DYNC1I2: variants seen among roughly 807,000 people sequenced by gnomAD.
DYNC1I2 encodes the protein cytoplasmic dynein 1 intermediate chain 2.
In DYNC1I2, 53 loss-of-function variants were observed where a neutral mutation model predicts 88.6. That is an observed-to-expected ratio of 0.60 (90% confidence interval 0.48 to 0.75). The LOEUF is 0.75. Ranked by LOEUF, DYNC1I2 falls within the 30% of genes least tolerant of loss-of-function variation. The probability of loss-of-function intolerance (pLI) is 0.00; values close to 1 mark genes in which losing one functional copy is unlikely to be tolerated. For synonymous variants in DYNC1I2, 198 were observed against 254.6 expected (o/e 0.78, Z 2.12); for missense variants, 458 against 766.6 (o/e 0.60, Z 4.75).
intron 6 of DYNC1I2, among the ~76,000 whole-genome samples, chr2:171,714,648 C>T (rs312917): frequency 0.81 from 123,637 of 152,110 alleles, 51,452 homozygotes; most frequent in Non-Finnish European, 0.91. Flanking sequence ...CCCTGTATTT[C>T]TAAACAGAAG....
intron 13 of DYNC1I2, 41 bp from the exon 14 acceptor site, chr2:171,728,676 T>C: frequency 6.8e-7 from 1 of 1,477,942 alleles, no homozygotes; most frequent in Non-Finnish European, 9.0e-7. Flanking sequence ...AATTTAAAAT[T>C]GCAAGTTTAC....
At position 171,727,293 on chromosome 2, in the gene DYNC1I2, T is replaced by A. The variant is rs925652947; in HGVS notation, c.996+377T>A. Among the ~76,000 whole-genome samples the A allele has an allele frequency of 5.3e-5, 8 of 152,248 alleles. No individual in the cohort carries two copies. In the East Asian group the frequency reaches 1.5e-3, roughly 29 times the overall value. On this transcript the variant is annotated intron_variant, in intron 11 of 17. Coordinates refer to ENST00000397119, the MANE Select transcript of DYNC1I2 (RefSeq NM_001378.3). ...GTTGGCCCACTGAATTACTTATACA[T>A]GGCCTGAGGAATTGGAACTAGATGG...
intron 3 of DYNC1I2, among the ~76,000 whole-genome samples, chr2:171,696,446 G>T (rs1387288402): frequency 2.6e-5 from 4 of 152,120 alleles, no homozygotes; most frequent in African/African-American, 9.7e-5. Flanking sequence ...AACATTTTGG[G>T]TAAGGGATAC....
At chr2:171,722,997 C>G (rs1687999491) in intron 7 of DYNC1I2, among the ~76,000 whole-genome samples, 1 of 152,138 alleles carries the variant, frequency 6.6e-6, no homozygotes, top group Non-Finnish European at 1.5e-5. Context: ...GACAAATAGG[C>G]ATGGCAAATG....
At chr2:171,694,141 G>A (rs1301223430) in intron 3 of DYNC1I2, among the ~76,000 whole-genome samples, 2 of 151,356 alleles carry the variant, frequency 1.3e-5, no homozygotes, top group African/African-American at 2.4e-5. Context: ...GGGTTCAAGC[G>A]ATTCTTCTGC....
intron 3 of DYNC1I2, among the ~76,000 whole-genome samples, chr2:171,701,759 T>C (rs922858523): frequency 2.0e-5 from 3 of 152,208 alleles, no homozygotes; most frequent in African/African-American, 4.8e-5. Flanking sequence ...GGTAGCATAT[T>C]TTATCTCCAG....
rs748033252 is a variant in DYNC1I2, at chr2:171,726,295, TA to T, written c.870+6del. The T allele has an allele frequency of 8.1e-6, 13 of 1,601,064 alleles. No individual in the cohort carries two copies. Among genetic ancestry groups the T allele is most frequent in the Non-Finnish European group, 8.5e-6 (10 of 1,174,666 alleles). On this transcript the variant is annotated splice_donor_region_variant and intron_variant, in intron 10 of 17. Coordinates refer to ENST00000397119, the MANE Select transcript of DYNC1I2 (RefSeq NM_001378.3). ...AGTTGTTTGGATTGGTCATCTCAGG[TA>T]AAATATAACAAAATAGGCCGCTCTT... is the stretch of plus-strand genomic sequence containing the variant.
intron 7 of DYNC1I2, among the ~76,000 whole-genome samples, chr2:171,720,329 A>G (rs551748941): frequency 6.6e-6 from 1 of 152,306 alleles, no homozygotes; most frequent in South Asian, 2.1e-4. Context: ...CCTGTTGATT[A>G]GCTTTATTGT....
chr2:171,697,102 G>A (rs1333860377), intron 3 of DYNC1I2, among the ~76,000 whole-genome samples: 2 of 152,086 alleles, frequency 1.3e-5, no homozygotes, highest in African/African-American at 4.8e-5. Flanking sequence ...CCAGGCTCAA[G>A]CGATCCTCTC....
Position 171,729,856 on chromosome 2 carries a change from A to C in DYNC1I2, c.1536+3A>C, listed in dbSNP as rs999468978. 21 of 1,613,390 alleles carry C rather than the reference A, an allele frequency of 1.3e-5. No homozygotes were observed. Among genetic ancestry groups the C allele is most frequent in the Non-Finnish European group, 1.6e-5 (19 of 1,179,574 alleles). The stretch of plus-strand genomic sequence containing the variant: ...CAGTAAAGCTTTGGACAACTAAGGT[A>C]TCTAAAATATAGATGTCTGCTATTT... On this transcript the variant is annotated splice_donor_region_variant and intron_variant, in intron 15 of 17. Coordinates refer to ENST00000397119, the MANE Select transcript of DYNC1I2 (RefSeq NM_001378.3).
At chr2:171,716,853 C>A (rs1054867313) in intron 7 of DYNC1I2, among the ~76,000 whole-genome samples, 3 of 151,352 alleles carry the variant, frequency 2.0e-5, no homozygotes, top group Non-Finnish European at 4.4e-5. Context: ...TTACAGTGAG[C>A]CAAAATTGCG....
At chr2:171,729,142 A>G (rs186222534) in intron 14 of DYNC1I2, among the ~76,000 whole-genome samples, 2 of 152,304 alleles carry the variant, frequency 1.3e-5, no homozygotes, top group African/African-American at 4.8e-5. Flanking sequence ...GCACATGCCA[A>G]TATTGACCTA....
chr2:171,713,587 T>C (rs1183638971), intron 6 of DYNC1I2, among the ~76,000 whole-genome samples: 1 of 152,140 alleles, frequency 6.6e-6, no homozygotes, highest in African/African-American at 2.4e-5. Context: ...TTTGTTGACA[T>C]AGAGATAAGA....
intron 4 of DYNC1I2, 190 bp downstream of exon 4, chr2:171,706,754 G>A: frequency 2.1e-6 from 1 of 481,672 alleles, no homozygotes; most frequent in Non-Finnish European, 3.6e-6. Context: ...ATCTTTTTTT[G>A]GGGGGGAGGC....
At chr2:171,746,857 A>G (rs1689817598) in intron 17 of DYNC1I2, among the ~76,000 whole-genome samples, 1 of 152,100 alleles carries the variant, frequency 6.6e-6, no homozygotes, top group Non-Finnish European at 1.5e-5. Context: ...CTAACATGAC[A>G]GTGTCAGACT....
At chr2:171,744,272 C>A in intron 16 of DYNC1I2, 83 bp downstream of exon 16, 1 of 1,401,380 alleles carries the variant, frequency 7.1e-7, no homozygotes, top group Non-Finnish European at 9.5e-7. Flanking sequence ...CCTTTTTTTC[C>A]AAAGAATGTA....
In DYNC1I2 at chr2:171,690,321, A is replaced by G. The variant is rs1685299994; in HGVS notation, c.108+58A>G. 29 of 1,231,712 alleles carry G rather than the reference A, an allele frequency of 2.4e-5. No individual in the cohort carries two copies. The South Asian group carries it at 3.8e-4, about 16-fold the overall frequency. The allele number at this position is 1,231,712 out of a possible 1,614,324, so 76.3% of individuals were successfully genotyped here. On this transcript the variant is annotated intron_variant, in intron 2 of 17. Transcript: ENST00000397119. The stretch of plus-strand genomic sequence containing the variant: ...ATAAAGTAATTGGGTTTTATTTCAC[A>G]TATTTATATATTTACATATAGGTTG...
chr2:171,692,073 G>A (rs1313091649), intron 2 of DYNC1I2, among the ~76,000 whole-genome samples: 1 of 152,028 alleles, frequency 6.6e-6, no homozygotes, highest in Non-Finnish European at 1.5e-5. Flanking sequence ...AGGTGGCATA[G>A]GGATTTGAGA....
chr2:171,688,769 C>T (rs917116680), intron 1 of DYNC1I2: 2 of 152,116 alleles, frequency 1.3e-5, no homozygotes, highest in African/African-American at 4.8e-5. Flanking sequence ...GTGAATTTCT[C>T]CTCTTGACTG....
Sources: gnomAD v4.1 joint callset for allele counts (sites outside exome capture counted in the v4.1 genomes callset) on GRCh38, gnomAD v4.1.1 for gene constraint, MANE v1.5 for transcripts, NCBI Gene and HGNC (gene_info 2026-07-23, HGNC 2026-07-21) for gene names.